Variants in PLD1 observed in about 807,000 individuals in gnomAD.
The protein encoded by PLD1 is phospholipase D1, also known as choline phosphatase 1.
A neutral mutation model predicts 137.1 loss-of-function variants in PLD1; 112 were observed. The observed-to-expected ratio is 0.82, with a 90% CI of 0.70 to 0.96. The LOEUF (loss-of-function observed/expected upper bound fraction) is 0.96, where lower values mean the gene tolerates loss of function less well. PLD1 is among the 40% of genes least tolerant of loss of function. The probability of loss-of-function intolerance (pLI) is 0.00; values close to 1 mark genes in which losing one functional copy is unlikely to be tolerated. For synonymous variants in PLD1, 431 were observed against 454.7 expected (o/e 0.95, Z 0.66); for missense variants, 1,321 against 1,342.0 (o/e 0.98, Z 0.24).
At chr3:171,747,266 C>G (rs543323408) in intron 1 of PLD1, among the ~76,000 whole-genome samples, 1 of 152,218 alleles carries the variant, frequency 6.6e-6, no homozygotes, top group Non-Finnish European at 1.5e-5. Flanking sequence ...ATTTCAGACA[C>G]AATACTAGGG....
At chr3:171,673,118 C>T (rs562641614) in intron 19 of PLD1, among the ~76,000 whole-genome samples, 1 of 152,148 alleles carries the variant, frequency 6.6e-6, no homozygotes, top group Admixed American at 6.5e-5. Context: ...TATATTCTAG[C>T]ATTGGTAATT....
intron 1 of PLD1, among the ~76,000 whole-genome samples, chr3:171,785,549 C>T (rs936018844): frequency 6.6e-6 from 1 of 151,784 alleles, no homozygotes; most frequent in Non-Finnish European, 1.5e-5. Context: ...AGCGATTCTC[C>T]TCCCTCAGCC....
At chr3:171,676,895 G>A in intron 17 of PLD1, 62 bp from the exon 18 acceptor site, 1 of 1,118,980 alleles carries the variant, frequency 8.9e-7, no homozygotes, top group Non-Finnish European at 1.3e-6. Flanking sequence ...AAGTCTCTCT[G>A]ACTCCAACTA....
intron 23 of PLD1, among the ~76,000 whole-genome samples, chr3:171,629,929 T>C (rs1298661877): frequency 6.6e-6 from 1 of 151,988 alleles, no homozygotes; most frequent in African/African-American, 2.4e-5. Flanking sequence ...AACCTAGGCA[T>C]TACCATTCAG....
intron 8 of PLD1, among the ~76,000 whole-genome samples, chr3:171,721,762 C>T (rs539570105): frequency 6.6e-6 from 1 of 151,196 alleles, no homozygotes; most frequent in African/African-American, 2.4e-5. Flanking sequence ...TCTCTCCCAG[C>T]GACAGATCAA....
intron 17 of PLD1, 69 bp downstream of exon 17, chr3:171,677,497 G>A: frequency 1.4e-6 from 2 of 1,466,878 alleles, no homozygotes; most frequent in Non-Finnish European, 1.9e-6. Context: ...TCATGCACAT[G>A]TATACTTGCT....
chr3:171,697,776 A>T (rs929601807), intron 12 of PLD1, among the ~76,000 whole-genome samples: 1 of 152,148 alleles, frequency 6.6e-6, no homozygotes, highest in Non-Finnish European at 1.5e-5. Context: ...GACCTTTTCC[A>T]TTGGGAAAGC....
At chr3:171,710,224 C>G (rs1717060522) in intron 9 of PLD1, among the ~76,000 whole-genome samples, 1 of 152,094 alleles carries the variant, frequency 6.6e-6, no homozygotes, top group African/African-American at 2.4e-5. Context: ...CCACGCCCGG[C>G]TAATTTTTTT....
intron 16 of PLD1, among the ~76,000 whole-genome samples, chr3:171,685,411 T>C (rs1714446952): frequency 6.6e-6 from 1 of 152,190 alleles, no homozygotes; most frequent in East Asian, 1.9e-4. Context: ...CAAAAAAGCA[T>C]AACATAGTAA....
intron 25 of PLD1, chr3:171,611,675 G>A (rs1732670325): frequency 1.9e-6 from 1 of 518,040 alleles, no homozygotes; most frequent in Non-Finnish European, 3.9e-6. Flanking sequence ...TACACCAGCA[G>A]TCACTGGCAT....
chr3:171,748,367 C>A (rs376401959), intron 1 of PLD1, among the ~76,000 whole-genome samples: 1 of 152,130 alleles, frequency 6.6e-6, no homozygotes, highest in Non-Finnish European at 1.5e-5. Context: ...AAATTAACAT[C>A]CTTGGATGTT....
intron 1 of PLD1, among the ~76,000 whole-genome samples, chr3:171,741,364 C>T (rs551747583): frequency 5.9e-5 from 9 of 152,288 alleles, no homozygotes; most frequent in African/African-American, 2.2e-4. Flanking sequence ...TTGTTGGTTT[C>T]ATTCTTGAAT....
rs560185972 is a variant in PLD1 at position 171,778,151 on chromosome 3, CAAT to C, written c.-32+32245_-32+32247del. On this transcript the variant is annotated intron_variant, in intron 1 of 26. Transcript: ENST00000351298. Reference sequence around the variant, plus strand: ...TATTGCCATAATATCTTACTAGACTCAATATCTTATTTGACATTCACATCTGCC... The same window carrying C: ...TATTGCCATAATATCTTACTAGACTCATCTTATTTGACATTCACATCTGCC... Among the ~76,000 whole-genome samples, 3 of 152,254 alleles carry C rather than the reference CAAT, an allele frequency of 2.0e-5. No homozygotes were observed. The South Asian group carries it at 6.2e-4, about 32-fold the overall frequency.
chr3:171,699,027 T>C (rs899264803), intron 12 of PLD1, among the ~76,000 whole-genome samples: 1 of 150,670 alleles, frequency 6.6e-6, no homozygotes, highest in Non-Finnish European at 1.5e-5. Context: ...AGCAAAAAGT[T>C]AGCACTTCCT....
At chr3:171,627,300 G>C (rs1300680115) in intron 23 of PLD1, among the ~76,000 whole-genome samples, 1 of 152,010 alleles carries the variant, frequency 6.6e-6, no homozygotes, top group Non-Finnish European at 1.5e-5. Flanking sequence ...AATTCAACAA[G>C]AAGAGCTAAC....
At chr3:171,776,089 A>G (rs1436295515) in intron 1 of PLD1, among the ~76,000 whole-genome samples, 5 of 152,226 alleles carry the variant, frequency 3.3e-5, no homozygotes, top group Admixed American at 6.5e-5. Flanking sequence ...TTTCACATGT[A>G]TTAGCCTGTT....
chr3:171,628,681 T>C (rs1734362106), intron 23 of PLD1, among the ~76,000 whole-genome samples: 1 of 149,930 alleles, frequency 6.7e-6, no homozygotes, highest in African/African-American at 2.5e-5. Flanking sequence ...GTGGGCTTCA[T>C]CCCTGGGATG....
intron 1 of PLD1, among the ~76,000 whole-genome samples, chr3:171,799,337 T>TAAAAA (rs758379833): frequency 1.2e-4 from 7 of 57,882 alleles, no homozygotes; most frequent in Non-Finnish European, 1.8e-4. Context: ...AGACTCCGTC[T>TAAAAA]AAAAAAAAAA....
rs150343940 is a variant in PLD1 at position 171,674,427 on chromosome 3, T to G, written c.2229+73A>C. The G allele has an allele frequency of 6.1e-4, 419 of 682,200 alleles. 5 individuals carry two copies. In the East Asian group the frequency reaches 0.011, roughly 18 times the overall value. The allele number at this position is 682,200 out of a possible 1,614,324, so 42.3% of individuals were successfully genotyped here. Reference sequence around the variant, plus strand: ...ATTGAAAAATCTGAAGCCAATGTAATAGGCCCTTGGTCCAATAACAGTAAT... The same window carrying G: ...ATTGAAAAATCTGAAGCCAATGTAAGAGGCCCTTGGTCCAATAACAGTAAT... On this transcript the variant is annotated intron_variant, in intron 19 of 26. Transcript: ENST00000351298.
Sources: allele counts gnomAD v4.1 joint callset (sites outside exome capture counted in the v4.1 genomes callset), GRCh38; gene constraint gnomAD v4.1.1; transcripts MANE v1.5; gene names NCBI Gene and HGNC (gene_info 2026-07-23, HGNC 2026-07-21).